Variants in PRKG1 observed in about 807,000 individuals in gnomAD.
PRKG1 encodes the protein cGMP-dependent protein kinase 1.
A neutral mutation model predicts 88.1 loss-of-function variants in PRKG1; 35 were observed. The observed-to-expected ratio is 0.40, with a 90% CI of 0.30 to 0.53. The LOEUF (loss-of-function observed/expected upper bound fraction) is 0.53. Among genes scored for constraint, PRKG1 ranks in the 20% least tolerant of loss-of-function variants. The pLI is 0.59. For synonymous variants in PRKG1, 303 were observed against 292.5 expected (o/e 1.04, Z -0.37); for missense variants, 540 against 839.8 (o/e 0.64, Z 4.41).
At chr10:51,447,167 A>G (rs565921196) in intron 2 of PRKG1, among the ~76,000 whole-genome samples, 1 of 152,190 alleles carries the variant, frequency 6.6e-6, no homozygotes, top group African/African-American at 2.4e-5. Context: ...AGGTCAAATA[A>G]ATAAAGGCCA....
intron 9 of PRKG1, among the ~76,000 whole-genome samples, chr10:52,165,792 G>A (rs1838418207): frequency 1.3e-5 from 2 of 152,182 alleles, no homozygotes; most frequent in South Asian, 2.1e-4. Flanking sequence ...AAACTTAAAT[G>A]GTAGTATAAT....
chr10:52,039,003 G>A (rs188398638), intron 5 of PRKG1, among the ~76,000 whole-genome samples: 254 of 152,332 alleles, frequency 1.7e-3, no homozygotes, highest in African/African-American at 6.0e-3. Context: ...GGGCTGGTCA[G>A]TCTGAGGACC....
rs550315561 is a variant in PRKG1, at chr10:52,038,604, AG to A, written c.763-15876del. 1.2e-3 allele frequency among the ~76,000 whole-genome samples: 182 copies of A among 152,160 alleles called. 1 individual carries two copies. Among genetic ancestry groups the A allele is most frequent in the African/African-American group, 4.2e-3 (176 of 41,506 alleles). ...TGCCCCTCCCCCAGAAAAGCAGAGA[AG>A]GGGTAGAGACAAGGAGAGAAGGGGT... On this transcript the variant is annotated intron_variant, in intron 5 of 17. Transcript: ENST00000373980.
At chr10:52,034,321 CT>C (rs1162195171) in intron 5 of PRKG1, among the ~76,000 whole-genome samples, 2 of 130,162 alleles carry the variant, frequency 1.5e-5, no homozygotes, top group African/African-American at 5.8e-5. Flanking sequence ...TTTCTCAGGG[CT>C]GCTTCAAGCG....
At position 51,949,818 on chromosome 10, in the gene PRKG1, C is replaced by T. The variant is rs191803064; in HGVS notation, c.762+42248C>T. Among the ~76,000 whole-genome samples the T allele has an allele frequency of 3.0e-3, 452 of 152,274 alleles. 4 individuals carry two copies. The highest frequency in any genetic ancestry group is 0.01 in the African/African-American group (433 of 41,534). ...CTCATTTTACTCTGAATTTCATCAT[C>T]ATGTCAGAGGGTGTCTTCTCAGATT... On this transcript the variant is annotated intron_variant, in intron 5 of 17. Coordinates refer to ENST00000373980, the MANE Select transcript of PRKG1 (RefSeq NM_006258.4).
chr10:51,534,077 C>T (rs1842081960), intron 3 of PRKG1, among the ~76,000 whole-genome samples: 1 of 151,828 alleles, frequency 6.6e-6, no homozygotes, highest in African/African-American at 2.4e-5. Context: ...GGATTTGGGC[C>T]AAAGAAAGAA....
chr10:51,039,868 G>A (rs372460968), intron 1 of PRKG1, among the ~76,000 whole-genome samples: 5 of 152,006 alleles, frequency 3.3e-5, no homozygotes, highest in South Asian at 4.2e-4. Flanking sequence ...TGCATGTGTC[G>A]GAAGCGAATT....
At chr10:51,183,996 A>G (rs1043986635) in intron 2 of PRKG1, among the ~76,000 whole-genome samples, 1 of 152,192 alleles carries the variant, frequency 6.6e-6, no homozygotes, top group Non-Finnish European at 1.5e-5. Context: ...CTAGACAGGC[A>G]TGACCAATAG....
intron 2 of PRKG1, among the ~76,000 whole-genome samples, chr10:51,410,783 A>G (rs1014833220): frequency 1.3e-5 from 2 of 151,726 alleles, no homozygotes; most frequent in Admixed American, 6.6e-5. Flanking sequence ...TTTATATAAA[A>G]TAAATATGTT....
chr10:51,107,578 T>A (rs1844868598), intron 1 of PRKG1, among the ~76,000 whole-genome samples: 2 of 151,942 alleles, frequency 1.3e-5, no homozygotes, highest in South Asian at 4.1e-4. Flanking sequence ...CGTTCATGCC[T>A]ATAATCCCAG....
intron 3 of PRKG1, among the ~76,000 whole-genome samples, chr10:51,515,116 A>G (rs72795141): frequency 1.3e-5 from 2 of 152,224 alleles, no homozygotes. Context: ...ATCGATTTAT[A>G]TAAATAAGTA....
rs141268838 is a variant in PRKG1 at position 52,213,075 on chromosome 10, G to C, written c.1077-38495G>C. Among the ~76,000 whole-genome samples, 265 of 152,142 alleles carry C rather than the reference G, an allele frequency of 1.7e-3. 1 individual carries two copies. Among genetic ancestry groups the C allele is most frequent in the African/African-American group, 5.9e-3 (244 of 41,512 alleles). ...CTTAAAGCAAATAAACTTTCAAGTA[G>C]TTATATATTAATTCGGCTCTGAATA... On this transcript the variant is annotated intron_variant, in intron 9 of 17. Coordinates refer to ENST00000373980, the MANE Select transcript of PRKG1 (RefSeq NM_006258.4).
intron 3 of PRKG1, among the ~76,000 whole-genome samples, chr10:51,593,783 G>A (rs928399062): frequency 6.6e-5 from 10 of 151,850 alleles, no homozygotes; most frequent in African/African-American, 2.4e-4. Context: ...GGAGGGCAAT[G>A]ATGTGATCTT....
intron 2 of PRKG1, among the ~76,000 whole-genome samples, chr10:51,166,611 C>G (rs978793676): frequency 1.3e-5 from 2 of 152,154 alleles, no homozygotes; most frequent in Non-Finnish European, 2.9e-5. Flanking sequence ...CTTGAAATTT[C>G]TCTTCATTTA....
At chr10:52,121,164 G>A (rs936747913) in intron 7 of PRKG1, among the ~76,000 whole-genome samples, 1 of 152,134 alleles carries the variant, frequency 6.6e-6, no homozygotes, top group Admixed American at 6.5e-5. Flanking sequence ...CTGCCCTGGA[G>A]GTGGTGTAGG....
chr10:51,357,909 A>C (rs375751918), intron 2 of PRKG1, among the ~76,000 whole-genome samples: 1 of 151,980 alleles, frequency 6.6e-6, no homozygotes, highest in Non-Finnish European at 1.5e-5. Context: ...GTAAATGCTA[A>C]GTTTTCATTA....
chr10:51,996,448 C>T (rs1368934475), intron 5 of PRKG1, among the ~76,000 whole-genome samples: 1 of 150,938 alleles, frequency 6.6e-6, no homozygotes, highest in African/African-American at 2.4e-5. Context: ...AGCAAATAAC[C>T]TGATTAAAGA....
At chr10:51,090,619 C>A (rs1357110491) in intron 1 of PRKG1, among the ~76,000 whole-genome samples, 1 of 152,052 alleles carries the variant, frequency 6.6e-6, no homozygotes, top group East Asian at 1.9e-4. Flanking sequence ...CAAGGTAAAG[C>A]TGTTTATGCT....
intron 3 of PRKG1, among the ~76,000 whole-genome samples, chr10:51,628,902 T>C (rs1246504806): frequency 6.7e-6 from 1 of 148,566 alleles, no homozygotes; most frequent in Non-Finnish European, 1.5e-5. Context: ...GAGCTTGCAG[T>C]GAGCCGAGAT....
Sources: gnomAD v4.1 joint callset for allele counts (sites outside exome capture counted in the v4.1 genomes callset) on GRCh38, gnomAD v4.1.1 for gene constraint, MANE v1.5 for transcripts, NCBI Gene and HGNC (gene_info 2026-07-23, HGNC 2026-07-21) for gene names.